The following AKAP6 variants were observed in gnomAD, a reference collection of about 807,000 sequenced individuals.
The protein encoded by AKAP6 is A-kinase anchor protein 6.
AKAP6 carries 58 observed loss-of-function variants against 188.5 expected under a neutral mutation model. The ratio of observed to expected loss-of-function variants is 0.31; its 90% CI spans 0.25 to 0.38. The LOEUF (loss-of-function observed/expected upper bound fraction) is 0.38. Ranked by LOEUF, AKAP6 falls within the 10% of genes least tolerant of loss-of-function variation. AKAP6 has a pLI of 1.00. For synonymous variants in AKAP6, 989 were observed against 998.6 expected, an observed-to-expected ratio of 0.99 and a Z score of 0.18; for missense variants, 2,710 against 2,740.0, an observed-to-expected ratio of 0.99 and a Z score of 0.24.
intron 4 of AKAP6, among the ~76,000 whole-genome samples, chr14:32,552,598 A>C (rs1223025712): frequency 6.6e-6 from 1 of 152,266 alleles, no homozygotes; most frequent in Non-Finnish European, 1.5e-5. Context: ...GGAAAAAAAC[A>C]GACTTAATGA....
At chr14:32,551,160 C>T (rs1188051155) in intron 4 of AKAP6, among the ~76,000 whole-genome samples, 1 of 152,192 alleles carries the variant, frequency 6.6e-6, no homozygotes. Context: ...GGATCATTGT[C>T]AGCTGCTTTT....
intron 9 of AKAP6, among the ~76,000 whole-genome samples, chr14:32,724,901 T>C (rs1392846223): frequency 2.8e-5 from 4 of 144,122 alleles, no homozygotes; most frequent in African/African-American, 1.0e-4. Flanking sequence ...AATAGATCCG[T>C]GGGGCTTGTT....
intron 1 of AKAP6, among the ~76,000 whole-genome samples, chr14:32,344,048 G>C (rs918134312): frequency 7.9e-5 from 12 of 152,210 alleles, no homozygotes; most frequent in Admixed American, 7.9e-4. Context: ...TCTGGCTGTT[G>C]TATTCCCCAA....
intron 9 of AKAP6, among the ~76,000 whole-genome samples, chr14:32,697,260 TAAGAG>T (rs1287465410): frequency 6.6e-6 from 1 of 152,170 alleles, no homozygotes; most frequent in Non-Finnish European, 1.5e-5. Flanking sequence ...TCATCTCAGT[TAAGAG>T]AAGATATAAG....
Position 32,823,705 on chromosome 14 carries a change from T to C in AKAP6, c.5892T>C (p.Cys1964=). 1 of 1,613,788 alleles carries C rather than the reference T, an allele frequency of 6.2e-7. No homozygotes were observed. Among genetic ancestry groups the C allele is most frequent in the Non-Finnish European group, 8.5e-7 (1 of 1,179,908 alleles). ...SQDVRHLPKK[C]PNHHHFENQS... Reference sequence around the variant, plus strand: ...ATGTTAGACATCTTCCAAAGAAATGTCCAAATCACCACCATTTTGAAAATC... The same window carrying C: ...ATGTTAGACATCTTCCAAAGAAATGCCCAAATCACCACCATTTTGAAAATC... The change falls in exon 13 of 14, where the codon TGT becomes TGC. Residue 1964 remains cysteine, a synonymous_variant. Transcript: ENST00000280979.
intron 1 of AKAP6, among the ~76,000 whole-genome samples, chr14:32,404,565 T>C (rs2138625587): frequency 6.6e-6 from 1 of 151,308 alleles, no homozygotes; most frequent in Non-Finnish European, 1.5e-5. Flanking sequence ...TAATATCAAC[T>C]GCTCCATTTC....
chr14:32,375,665 A>G (rs1428671905), intron 1 of AKAP6, among the ~76,000 whole-genome samples: 11 of 152,180 alleles, frequency 7.2e-5, no homozygotes, highest in African/African-American at 9.7e-5. Context: ...GTCAGGTATG[A>G]TAAGTAGTTT....
chr14:32,447,126 G>A (rs866713999), intron 2 of AKAP6, among the ~76,000 whole-genome samples: 11 of 152,084 alleles, frequency 7.2e-5, no homozygotes, highest in African/African-American at 1.9e-4. Context: ...CAAACAACTC[G>A]TCTCTCTACT....
intron 7 of AKAP6, among the ~76,000 whole-genome samples, chr14:32,609,940 T>C (rs1395193518): frequency 1.3e-5 from 2 of 151,638 alleles, no homozygotes; most frequent in East Asian, 3.9e-4. Context: ...CCTTTCTCAG[T>C]CTCTGGAAAT....
intron 1 of AKAP6, among the ~76,000 whole-genome samples, chr14:32,424,074 G>T (rs1889949695): frequency 6.6e-6 from 1 of 152,096 alleles, no homozygotes; most frequent in Non-Finnish European, 1.5e-5. Context: ...TAAAGTCTTT[G>T]CTTGGAAAAG....
intron 11 of AKAP6, among the ~76,000 whole-genome samples, chr14:32,767,931 C>G (rs1227000493): frequency 1.7e-4 from 26 of 152,152 alleles, no homozygotes; most frequent in Admixed American, 1.7e-3. Flanking sequence ...TTACAGAAAA[C>G]CTTTGCCTCG....
At chr14:32,788,556 A>G (rs10131246) in intron 12 of AKAP6, among the ~76,000 whole-genome samples, 81,827 of 152,046 alleles carry the variant, frequency 0.54, 22,449 homozygotes, top group South Asian at 0.64. Context: ...TGGGAGTGGC[A>G]CGGAGCGAAA....
At chr14:32,746,828 T>G (rs1038327629) in intron 11 of AKAP6, among the ~76,000 whole-genome samples, 5 of 152,164 alleles carry the variant, frequency 3.3e-5, no homozygotes, top group African/African-American at 1.2e-4. Context: ...AAGCACATAG[T>G]TTGCTCTTTT....
rs142407713 is a variant in AKAP6 at position 32,818,524 on chromosome 14, C to T, written c.3589-2878C>T. On this transcript the variant is annotated intron_variant, in intron 12 of 13. Transcript: ENST00000280979. ...AACTTGGGTTTTTTTTTTTTGTAACCGTGAAATTTTTTTTTACAAATATAT... is the reference window on the plus strand; with the variant it reads ...AACTTGGGTTTTTTTTTTTTGTAACTGTGAAATTTTTTTTTACAAATATAT... 6.8e-3 allele frequency among the ~76,000 whole-genome samples: 1,036 copies of T among 151,506 alleles called. 19 individuals are homozygous for T. The highest frequency in any genetic ancestry group is 0.024 in the African/African-American group (1,002 of 41,294).
chr14:32,607,779 T>C (rs1239172127), intron 7 of AKAP6, among the ~76,000 whole-genome samples: 2 of 152,196 alleles, frequency 1.3e-5, no homozygotes, highest in Non-Finnish European at 2.9e-5. Context: ...CTACCTCTTC[T>C]GTGCAGAAAT....
At chr14:32,790,629 C>G (rs1171012306) in intron 12 of AKAP6, among the ~76,000 whole-genome samples, 1 of 152,034 alleles carries the variant, frequency 6.6e-6, no homozygotes, top group Non-Finnish European at 1.5e-5. Flanking sequence ...ACTTTAAGTT[C>G]TGGGATACAT....
At chr14:32,583,335 A>T (rs1025669504) in intron 5 of AKAP6, among the ~76,000 whole-genome samples, 18 of 152,102 alleles carry the variant, frequency 1.2e-4, no homozygotes, top group Non-Finnish European at 1.6e-4. Flanking sequence ...CTGCTGTGTG[A>T]TCGTTCCTCC....
intron 2 of AKAP6, among the ~76,000 whole-genome samples, chr14:32,440,952 A>T (rs1890555133): frequency 6.6e-6 from 1 of 152,180 alleles, no homozygotes; most frequent in Non-Finnish European, 1.5e-5. Flanking sequence ...ATCTGATTAA[A>T]TAATAAGGGC....
intron 4 of AKAP6, among the ~76,000 whole-genome samples, chr14:32,554,609 C>A (rs569007886): frequency 3.9e-5 from 6 of 152,108 alleles, no homozygotes; most frequent in Admixed American, 2.0e-4. Context: ...CAAATAAAAT[C>A]GATTTATGAA....
Sources: allele counts gnomAD v4.1 joint callset (sites outside exome capture counted in the v4.1 genomes callset), GRCh38; gene constraint gnomAD v4.1.1; transcripts MANE v1.5; gene names NCBI Gene and HGNC (gene_info 2026-07-23, HGNC 2026-07-21).